CCDC88A: variants seen among roughly 807,000 people sequenced by gnomAD.
The protein encoded by CCDC88A is coiled-coil and HOOK domain protein 88A.
In CCDC88A, 54 loss-of-function variants were observed where a neutral mutation model predicts 234.3. That is an observed-to-expected ratio of 0.23 (90% CI 0.19 to 0.29). CCDC88A has a LOEUF of 0.29. Ranked by LOEUF, CCDC88A falls within the 10% of genes least tolerant of loss-of-function variation. The probability of loss-of-function intolerance (pLI) is 1.00; values close to 1 mark genes in which losing one functional copy is unlikely to be tolerated. For synonymous variants in CCDC88A, 753 were observed against 737.8 expected, an observed-to-expected ratio of 1.02 and a Z score of -0.33; for missense variants, 1,832 against 2,123.4, an observed-to-expected ratio of 0.86 and a Z score of 2.70.
rs377022377 is a variant in CCDC88A at position 55,390,053 on chromosome 2, A to AAAAAAAAAAAAAAAAAAAAG, written c.165-1168_165-1167insCTTTTTTTTTTTTTTTTTTT. 7.4e-4 allele frequency among the ~76,000 whole-genome samples: 59 copies of AAAAAAAAAAAAAAAAAAAAG among 79,762 alleles called. 6 individuals carry two copies. Among genetic ancestry groups the AAAAAAAAAAAAAAAAAAAAG allele is most frequent in the African/African-American group, 1.5e-3 (32 of 21,542 alleles). The allele number at this position is 79,762 out of a possible 152,430, so 52.3% of individuals were successfully genotyped here. On this transcript the variant is annotated intron_variant, in intron 2 of 32. Coordinates refer to ENST00000436346, the MANE Select transcript of CCDC88A (RefSeq NM_001365480.1). ...GAGACTCAAAAAAAAAAAAAAATAAAAAATAAAGATAGAACATTTCAAAGT... is the reference window on the plus strand; with the variant it reads ...GAGACTCAAAAAAAAAAAAAAATAAAAAAAAAAAAAAAAAAAAAAGAAATAAAGATAGAACATTTCAAAGT...
intron 31 of CCDC88A, chr2:55,294,564 TC>T: frequency 1.0e-6 from 1 of 983,730 alleles, no homozygotes; most frequent in East Asian, 1.1e-4. Context: ...TTTTACATTT[TC>T]CCTACTGATA....
At chr2:55,344,276 A>G in intron 11 of CCDC88A, 92 bp downstream of exon 11, 2 of 810,104 alleles carry the variant, frequency 2.5e-6, no homozygotes, top group Non-Finnish European at 1.9e-6. Context: ...AGCCTCAAGG[A>G]CACTAGCCAT....
chr2:55,410,817 C>T (rs1680348182), intron 2 of CCDC88A, among the ~76,000 whole-genome samples: 1 of 151,538 alleles, frequency 6.6e-6, no homozygotes, highest in Non-Finnish European at 1.5e-5. Flanking sequence ...CGTTTGAGCC[C>T]AGGAGGCAGA....
intron 26 of CCDC88A, 37 bp downstream of exon 26, chr2:55,303,032 G>GTA (rs891620025): frequency 7.3e-5 from 91 of 1,241,926 alleles, no homozygotes; most frequent in Non-Finnish European, 9.4e-5. Flanking sequence ...AGCCAGTGTA[G>GTA]TCAGTTGAAA....
At chr2:55,348,923 T>C (rs1380043747) in intron 9 of CCDC88A, 1 of 152,216 alleles carries the variant, frequency 6.6e-6, no homozygotes, top group Admixed American at 6.5e-5. Context: ...AAGAAACAAC[T>C]ATCCAGCCTT....
At chr2:55,410,189 G>A (rs1680246143) in intron 2 of CCDC88A, among the ~76,000 whole-genome samples, 1 of 152,042 alleles carries the variant, frequency 6.6e-6, no homozygotes, top group Non-Finnish European at 1.5e-5. Flanking sequence ...TACACCCTTG[G>A]GCCAAGGAGT....
intron 7 of CCDC88A, chr2:55,356,240 A>T: frequency 6.6e-6 from 1 of 152,308 alleles, no homozygotes; most frequent in Admixed American, 6.5e-5. Flanking sequence ...ATAAGTGAGA[A>T]CCTGTGGTGT....
intron 21 of CCDC88A, among the ~76,000 whole-genome samples, chr2:55,316,330 C>CT (rs1682975991): frequency 6.6e-6 from 1 of 151,556 alleles, no homozygotes; most frequent in Non-Finnish European, 1.5e-5. Flanking sequence ...TTTTAATTTC[C>CT]TTTTTTCATC....
rs554144576 is a variant in CCDC88A at position 55,410,065 on chromosome 2, T to A, written c.164+8751A>T. ...CTACCTCCCCACTTTTAAATGACAC[T>A]CCAGGTGCCCAGAACTTTGCAATTT... On this transcript the variant is annotated intron_variant, in intron 2 of 32. Transcript: ENST00000436346. Among the ~76,000 whole-genome samples the A allele has an allele frequency of 2.0e-5, 3 of 152,064 alleles. No homozygotes were observed. In the East Asian group the frequency reaches 5.8e-4, roughly 29 times the overall value.
intron 3 of CCDC88A, among the ~76,000 whole-genome samples, chr2:55,388,124 C>A (rs1362750248): frequency 2.0e-5 from 3 of 152,072 alleles, no homozygotes; most frequent in Non-Finnish European, 4.4e-5. Context: ...AAACTGACAA[C>A]GACATACTAG....
At chr2:55,338,852 T>C (rs1021581390) in intron 13 of CCDC88A, 1 of 152,132 alleles carries the variant, frequency 6.6e-6, no homozygotes, top group African/African-American at 2.4e-5. Context: ...CATGGGTTCA[T>C]AATGACACTA....
chr2:55,415,344 G>C (rs967021393), intron 2 of CCDC88A, among the ~76,000 whole-genome samples: 5 of 152,092 alleles, frequency 3.3e-5, no homozygotes, highest in African/African-American at 1.2e-4. Flanking sequence ...ATTTCTACTG[G>C]TGGCCAGAGA....
chr2:55,387,779 C>CAAAAAAAAAAAAAAAAAAAAGAAAA (rs1675923700), intron 3 of CCDC88A, among the ~76,000 whole-genome samples: 1 of 64,848 alleles, frequency 1.5e-5, no homozygotes, highest in Non-Finnish European at 3.0e-5. Context: ...GGCTCCATCT[C>CAAAAAAAAAAAAAAAAAAAAGAAAA]AAAAAAAAAA....
At chr2:55,383,911 G>C (rs1219463217) in intron 3 of CCDC88A, among the ~76,000 whole-genome samples, 1 of 152,062 alleles carries the variant, frequency 6.6e-6, no homozygotes, top group Non-Finnish European at 1.5e-5. Context: ...TAAAATGTCT[G>C]ACCTATTTCT....
Position 55,295,803 on chromosome 2 carries a change from T to C in CCDC88A, c.5345A>G (p.Lys1782Arg). The C allele has an allele frequency of 6.2e-7, 1 of 1,614,150 alleles. No homozygotes were observed. The highest frequency in any genetic ancestry group is 8.5e-7 in the Non-Finnish European group (1 of 1,180,024). The stretch of plus-strand genomic sequence containing the variant: ...TGACAGAGAAGATTCTTTTACTAAT[T>C]TTATTTTTCCTTGAGTGCCTGGTGT... ...KPTPGTQGKI[K>R]LVKESSLSRQ... Residue 1782 changes from lysine (K) to arginine (R), a missense_variant, in exon 31 of 33, where the codon AAA becomes AGA. This residue lies in a region of CCDC88A where 422 missense variants were observed against 416.5 expected (regional missense o/e 1.01). Transcript: ENST00000436346.
At chr2:55,366,285 G>T (rs1401744389) in intron 5 of CCDC88A, among the ~76,000 whole-genome samples, 1 of 152,102 alleles carries the variant, frequency 6.6e-6, no homozygotes, top group African/African-American at 2.4e-5. Context: ...CAACACTTTG[G>T]GAGGCTGAGG....
rs747560155 is a variant in CCDC88A, at chr2:55,318,817, A to C, written c.3324+26T>G. 3 of 1,533,494 alleles carry C rather than the reference A, an allele frequency of 2.0e-6. No individual in the cohort carries two copies. The Admixed American group carries it at 5.2e-5, about 27-fold the overall frequency. 95.0% of individuals were successfully genotyped at this position (1,533,494 alleles called of 1,614,324 possible). A position where few individuals can be genotyped will look rare whatever the true frequency, so the allele number is the denominator to read the frequency against. Reference sequence around the variant, plus strand: ...TAGCATAATTCAAGAGTTTGGTTGCATATTCCCAAAATATTATATTACAAC... The same window carrying C: ...TAGCATAATTCAAGAGTTTGGTTGCCTATTCCCAAAATATTATATTACAAC... On this transcript the variant is annotated intron_variant, in intron 19 of 32. Coordinates refer to ENST00000436346, the MANE Select transcript of CCDC88A (RefSeq NM_001365480.1).
chr2:55,307,424 A>G (rs904043562), intron 25 of CCDC88A, among the ~76,000 whole-genome samples: 6 of 148,872 alleles, frequency 4.0e-5, no homozygotes, highest in Non-Finnish European at 8.9e-5. Context: ...CAATGGTGCA[A>G]TCTCAGCCTC....
Position 55,332,535 on chromosome 2 carries a change from C to G in CCDC88A, c.2855+31G>C. ...ATGAGCAAAAAAAAAAAAAAATTTT[C>G]AACTGTTTGCCAAGTAGACTTAGTA... On this transcript the variant is annotated intron_variant, in intron 16 of 32. Coordinates refer to ENST00000436346, the MANE Select transcript of CCDC88A (RefSeq NM_001365480.1). The surrounding 1 kb of genome is among the most constrained non-coding windows in gnomAD (Gnocchi z 4.5). 4.5e-6 allele frequency: 7 copies of G among 1,560,452 alleles called. No individual in the cohort carries two copies. Among genetic ancestry groups the G allele is most frequent in the Non-Finnish European group, 6.1e-6 (7 of 1,156,712 alleles).
Sources: gnomAD v4.1 joint callset for allele counts (sites outside exome capture counted in the v4.1 genomes callset) on GRCh38, gnomAD v4.1.1 for gene constraint, gnomAD v4.1.1 regional missense constraint, Gnocchi (gnomAD v3.1) non-coding constraint, MANE v1.5 for transcripts, NCBI Gene and HGNC (gene_info 2026-07-23, HGNC 2026-07-21) for gene names.